DNAI4: variants seen among roughly 807,000 people sequenced by gnomAD.
DNAI4 encodes dynein axonemal intermediate chain 4.
In DNAI4, 85 loss-of-function variants were observed where a neutral mutation model predicts 105.8. The ratio of observed to expected loss-of-function variants is 0.80; its 90% CI spans 0.67 to 0.96. DNAI4 has a LOEUF of 0.96. Among genes scored for constraint, DNAI4 ranks in the 40% least tolerant of loss-of-function variants. DNAI4 has a pLI of 0.00. For missense variants in DNAI4, 1,014 were observed against 1,005.6 expected (o/e 1.01, Z -0.11); for synonymous variants, 352 against 331.5 (o/e 1.06, Z -0.67).
chr1:66,866,919 C>T (rs1282596035), intron 6 of DNAI4, among the ~76,000 whole-genome samples: 1 of 152,142 alleles, frequency 6.6e-6, no homozygotes, highest in African/African-American at 2.4e-5. Context: ...AGGGAGGCTT[C>T]ACAGTCATGG....
intron 13 of DNAI4, among the ~76,000 whole-genome samples, chr1:66,830,687 G>A (rs1016285566): frequency 5.3e-5 from 8 of 151,392 alleles, no homozygotes; most frequent in African/African-American, 1.9e-4. Context: ...AGACTGAGGT[G>A]GGAGAATTGC....
chr1:66,868,212 A>G (rs934874730), intron 6 of DNAI4, among the ~76,000 whole-genome samples: 4 of 152,188 alleles, frequency 2.6e-5, no homozygotes, highest in Non-Finnish European at 4.4e-5. Flanking sequence ...ATTTTTCCAC[A>G]TATCTATGAG....
intron 1 of DNAI4, 55 bp downstream of exon 1, chr1:66,924,607 G>A (rs1173380349): frequency 5.6e-6 from 9 of 1,612,076 alleles, no homozygotes; most frequent in Non-Finnish European, 7.6e-6. Context: ...ATTAATAGAA[G>A]GGCTCCCTCC....
At chr1:66,875,849 CTAAA>C (rs949153867) in intron 4 of DNAI4, among the ~76,000 whole-genome samples, 1 of 151,664 alleles carries the variant, frequency 6.6e-6, no homozygotes, top group African/African-American at 2.4e-5. Context: ...TTTTTAATGA[CTAAA>C]TAAATTATGA....
intron 2 of DNAI4, 129 bp from the exon 3 acceptor site, chr1:66,893,542 T>C: frequency 1.9e-6 from 1 of 532,010 alleles, no homozygotes; most frequent in Non-Finnish European, 2.9e-6. Context: ...AGGATAAACA[T>C]GAAAAATTGG....
At chr1:66,828,174 T>C (rs1301257268) in intron 13 of DNAI4, 8 of 206,002 alleles carry the variant, frequency 3.9e-5, no homozygotes, top group Non-Finnish European at 6.8e-5. Context: ...GGAAATTACA[T>C]AGAAAAACAC....
At chr1:66,830,777 T>C (rs1177202282) in intron 13 of DNAI4, among the ~76,000 whole-genome samples, 1 of 148,074 alleles carries the variant, frequency 6.8e-6, no homozygotes. Context: ...TGAGACCCTG[T>C]CTCAAAAAAA....
intron 7 of DNAI4, among the ~76,000 whole-genome samples, chr1:66,857,317 CAT>C (rs1463796699): frequency 9.3e-5 from 11 of 117,806 alleles, no homozygotes; most frequent in Admixed American, 1.2e-4. Context: ...AGGGGAACAT[CAT>C]ACACTGGGGC....
intron 6 of DNAI4, among the ~76,000 whole-genome samples, chr1:66,869,400 C>A (rs1357260169): frequency 6.6e-6 from 1 of 151,510 alleles, no homozygotes; most frequent in Non-Finnish European, 1.5e-5. Flanking sequence ...TACAGTAATC[C>A]ATTTAAAATA....
At chr1:66,923,646 G>A (rs1409155697) in intron 1 of DNAI4, among the ~76,000 whole-genome samples, 2 of 152,226 alleles carry the variant, frequency 1.3e-5, no homozygotes, top group Non-Finnish European at 2.9e-5. Context: ...GGCTTTCATA[G>A]AAGCTGTTTT....
intron 1 of DNAI4, among the ~76,000 whole-genome samples, chr1:66,923,176 T>C (rs1282441455): frequency 1.3e-5 from 2 of 152,238 alleles, no homozygotes; most frequent in Non-Finnish European, 2.9e-5. Context: ...AGTAACATGC[T>C]ATGCAGGTTG....
intron 6 of DNAI4, among the ~76,000 whole-genome samples, chr1:66,868,857 C>G (rs1457230261): frequency 6.6e-6 from 1 of 151,862 alleles, no homozygotes; most frequent in Non-Finnish European, 1.5e-5. Context: ...GTGGGCAGAT[C>G]ATGGGGTCAG....
chr1:66,872,205 TTTTATTTATTTATTATTTA>T (rs1316677072), intron 5 of DNAI4, among the ~76,000 whole-genome samples: 3 of 127,712 alleles, frequency 2.3e-5, no homozygotes, highest in African/African-American at 1.0e-4. Flanking sequence ...TTTCAGGTTA[TTTTATTTATTTATTATTTA>T]TTTATTTATT....
intron 16 of DNAI4, among the ~76,000 whole-genome samples, chr1:66,815,106 A>G (rs915699750): frequency 2.5e-4 from 38 of 152,212 alleles, no homozygotes; most frequent in African/African-American, 8.9e-4. Context: ...TTTAGCCTGT[A>G]CTATGCTATC....
chr1:66,840,592 C>T lies in DNAI4; in HGVS notation c.1371G>A (p.Glu457=), dbSNP rs1646128783. 6.2e-6 allele frequency: 10 copies of T among 1,614,144 alleles called. No individual in the cohort carries two copies. Among genetic ancestry groups the T allele is most frequent in the East Asian group, 2.2e-5 (1 of 44,896 alleles). The stretch of plus-strand genomic sequence containing the variant: ...ATTCTTCTGCATGTATTTCTTCTTC[C>T]TCCTCCTTCTTAGATTCTTCCTCTA... The part of the protein sequence containing the change: ...EEVEEESKKE[E]EEEIHAEEST... Residue 457 remains glutamate (E), a synonymous_variant, in exon 9 of 17, where the codon GAG becomes GAA. Transcript: ENST00000371026.
chr1:66,830,733 A>T (rs1209886908), intron 13 of DNAI4, among the ~76,000 whole-genome samples: 1 of 151,658 alleles, frequency 6.6e-6, no homozygotes, highest in African/African-American at 2.4e-5. Context: ...GTGAGCCAAG[A>T]TCACTCCACT....
At chr1:66,865,205 T>C (rs933021991) in intron 6 of DNAI4, among the ~76,000 whole-genome samples, 8 of 152,080 alleles carry the variant, frequency 5.3e-5, no homozygotes, top group Admixed American at 6.5e-5. Flanking sequence ...GGCAGATCAC[T>C]TGAGGTCAGG....
chr1:66,862,502 G>A (rs1254807457), intron 6 of DNAI4, among the ~76,000 whole-genome samples, 200 bp from the exon 7 acceptor site: 1 of 152,110 alleles, frequency 6.6e-6, no homozygotes, highest in Non-Finnish European at 1.5e-5. Context: ...GTGCTATGAT[G>A]ACACCTGAGA....
intron 7 of DNAI4, among the ~76,000 whole-genome samples, chr1:66,851,050 A>G (rs993949179): frequency 2.0e-5 from 3 of 151,996 alleles, no homozygotes; most frequent in African/African-American, 7.2e-5. Flanking sequence ...ATAAAGACTG[A>G]CAAAAAAAAT....
Sources: allele counts gnomAD v4.1 joint callset (sites outside exome capture counted in the v4.1 genomes callset), GRCh38; gene constraint gnomAD v4.1.1; transcripts MANE v1.5; gene names NCBI Gene and HGNC (gene_info 2026-07-23, HGNC 2026-07-21).